The following FNDC3A variants were observed in gnomAD, a reference collection of about 807,000 sequenced individuals.
FNDC3A encodes fibronectin type III domain containing 3A.
In FNDC3A, 32 loss-of-function variants were observed where a neutral mutation model predicts 148.9. That is an observed-to-expected ratio of 0.21 (90% CI 0.16 to 0.29). The LOEUF (loss-of-function observed/expected upper bound fraction) is 0.29, where lower values mean the gene tolerates loss of function less well. FNDC3A is among the 10% of genes least tolerant of loss of function. The pLI is 1.00. For synonymous variants in FNDC3A, 472 were observed against 473.6 expected (o/e 1.00, Z 0.04); for missense variants, 1,191 against 1,452.8 (o/e 0.82, Z 2.93).
intron 4 of FNDC3A, among the ~76,000 whole-genome samples, chr13:49,121,134 T>C (rs1881313829): frequency 6.6e-6 from 1 of 152,124 alleles, no homozygotes; most frequent in African/African-American, 2.4e-5. Context: ...ACAGAAATTA[T>C]AACAAACAAT....
At position 49,153,724 on chromosome 13, in the gene FNDC3A, G is replaced by A. The variant is rs1479617331; in HGVS notation, c.977+7789G>A. ...GGTGTAAGGAAGGGATCCAGTTTCA[G>A]CTTTCTACATATGGCTAGCCAGTTT... is the stretch of plus-strand genomic sequence containing the variant. On this transcript the variant is annotated intron_variant, in intron 8 of 25. Transcript: ENST00000492622. 5.1e-5 allele frequency among the ~76,000 whole-genome samples: 7 copies of A among 137,804 alleles called. No individual in the cohort carries two copies. The East Asian group carries it at 6.3e-4, about 12-fold the overall frequency. 90.4% of individuals were successfully genotyped at this position (137,804 alleles called of 152,430 possible). A position where few individuals can be genotyped will look rare whatever the true frequency, so the allele number is the denominator to read the frequency against.
At chr13:49,182,576 T>C (rs1431478302) in intron 14 of FNDC3A, among the ~76,000 whole-genome samples, 1 of 152,192 alleles carries the variant, frequency 6.6e-6, no homozygotes, top group African/African-American at 2.4e-5. Flanking sequence ...CCACTTTGGA[T>C]GTAGTAAGGC....
intron 2 of FNDC3A, among the ~76,000 whole-genome samples, chr13:49,028,812 AT>A (rs1296327256): frequency 6.6e-6 from 1 of 152,204 alleles, no homozygotes; most frequent in Admixed American, 6.5e-5. Context: ...AATAGGTAGA[AT>A]ATTAACAGGG....
At chr13:48,999,529 T>C (rs1249436527) in intron 1 of FNDC3A, among the ~76,000 whole-genome samples, 2 of 152,094 alleles carry the variant, frequency 1.3e-5, no homozygotes, top group Non-Finnish European at 2.9e-5. Context: ...GACTTTAGAG[T>C]TGATATTTCT....
Position 49,174,605 on chromosome 13 carries a change from A to T in FNDC3A, c.1355+46A>T, listed in dbSNP as rs201019670. 6 of 1,500,232 alleles carry T rather than the reference A, an allele frequency of 4.0e-6. No homozygotes were observed. In the Admixed American group the frequency reaches 5.7e-5, roughly 14 times the overall value. The allele number at this position is 1,500,232 out of a possible 1,614,324, so 92.9% of individuals were successfully genotyped here. A position where few individuals can be genotyped will look rare whatever the true frequency, so the allele number is the denominator to read the frequency against. ...GAATGTAAATATTTTTAGATTATCA[A>T]GTCAACGTCAATTGTATAATTATTT... On this transcript the variant is annotated intron_variant, in intron 12 of 25. Transcript: ENST00000492622.
chr13:49,125,138 G>C (rs1231337588), intron 4 of FNDC3A, among the ~76,000 whole-genome samples: 3 of 152,146 alleles, frequency 2.0e-5, no homozygotes, highest in African/African-American at 7.2e-5. Flanking sequence ...TGTGCTTGCT[G>C]TTTCATTTTG....
At chr13:49,159,009 T>A (rs1883910473) in intron 8 of FNDC3A, among the ~76,000 whole-genome samples, 1 of 152,206 alleles carries the variant, frequency 6.6e-6, no homozygotes, top group South Asian at 2.1e-4. Context: ...AACATGCTGT[T>A]TTAGTTACTG....
chr13:49,037,631 C>T (rs931751815), intron 2 of FNDC3A, among the ~76,000 whole-genome samples: 3 of 152,174 alleles, frequency 2.0e-5, no homozygotes, highest in African/African-American at 7.2e-5. Flanking sequence ...ATCTTCAGTA[C>T]CTCAGAATGT....
At chr13:49,176,630 A>AT (rs1248946784) in intron 13 of FNDC3A, among the ~76,000 whole-genome samples, 1 of 152,126 alleles carries the variant, frequency 6.6e-6, no homozygotes, top group Non-Finnish European at 1.5e-5. Flanking sequence ...TTAAAGTATA[A>AT]TTTTTTAAAA....
chr13:48,983,129 C>G (rs1253259172), intron 1 of FNDC3A, among the ~76,000 whole-genome samples: 1 of 152,116 alleles, frequency 6.6e-6, no homozygotes, highest in East Asian at 1.9e-4. Context: ...ATGTCACACT[C>G]CCTCCCCTTT....
intron 8 of FNDC3A, among the ~76,000 whole-genome samples, chr13:49,151,409 G>C (rs1299090300): frequency 2.0e-5 from 3 of 151,960 alleles, no homozygotes; most frequent in African/African-American, 4.8e-5. Flanking sequence ...GCTCACTTTT[G>C]GTTTCTGTTT....
chr13:49,127,103 T>C (rs2137913378), intron 4 of FNDC3A, among the ~76,000 whole-genome samples: 1 of 152,316 alleles, frequency 6.6e-6, no homozygotes, highest in South Asian at 2.1e-4. Context: ...CAAACTTTCC[T>C]GCTCCTGTCC....
chr13:49,028,430 C>G (rs936498904), intron 2 of FNDC3A, among the ~76,000 whole-genome samples: 1 of 151,694 alleles, frequency 6.6e-6, no homozygotes, highest in Non-Finnish European at 1.5e-5. Flanking sequence ...TTGTAGAAAC[C>G]GAATCTCGCT....
At chr13:49,020,767 G>A (rs1472159983) in intron 2 of FNDC3A, among the ~76,000 whole-genome samples, 1 of 152,208 alleles carries the variant, frequency 6.6e-6, no homozygotes, top group Non-Finnish European at 1.5e-5. Flanking sequence ...ACAGTTCTTA[G>A]AAGTAGCTTT....
chr13:49,013,044 A>G (rs1200572627), intron 2 of FNDC3A, among the ~76,000 whole-genome samples: 1 of 152,160 alleles, frequency 6.6e-6, no homozygotes, highest in East Asian at 1.9e-4. Context: ...AGCCAGGTGC[A>G]GTGGCTGACG....
intron 7 of FNDC3A, among the ~76,000 whole-genome samples, chr13:49,142,975 C>A (rs997829610): frequency 6.6e-6 from 1 of 152,152 alleles, no homozygotes; most frequent in Non-Finnish European, 1.5e-5. Flanking sequence ...TCAAGTGATT[C>A]TTGGGTCTCA....
intron 3 of FNDC3A, among the ~76,000 whole-genome samples, chr13:49,106,472 C>T (rs1880179805): frequency 6.6e-6 from 1 of 152,082 alleles, no homozygotes; most frequent in Admixed American, 6.5e-5. Context: ...ACCACCACAC[C>T]CAACTCAGTT....
intron 1 of FNDC3A, among the ~76,000 whole-genome samples, chr13:48,998,205 G>C (rs531654009): frequency 6.6e-6 from 1 of 152,318 alleles, no homozygotes; most frequent in East Asian, 1.9e-4. Context: ...CTTGTGAACT[G>C]TTAAATTGGG....
intron 8 of FNDC3A, among the ~76,000 whole-genome samples, chr13:49,157,567 A>G (rs1458438698): frequency 1.7e-3 from 250 of 150,954 alleles, no homozygotes; most frequent in African/African-American, 5.7e-3. Context: ...CTGGTGAGGA[A>G]CTGCGTTCCT....
Sources: allele counts gnomAD v4.1 joint callset (sites outside exome capture counted in the v4.1 genomes callset), GRCh38; gene constraint gnomAD v4.1.1; transcripts MANE v1.5; gene names NCBI Gene and HGNC (gene_info 2026-07-23, HGNC 2026-07-21).